Variants in TNFRSF21 observed in about 807,000 individuals in gnomAD.
The protein encoded by TNFRSF21 is tumor necrosis factor receptor superfamily member 21.
Under a neutral mutation model 45.6 loss-of-function variants are expected in TNFRSF21, and 19 were observed. The observed-to-expected ratio is 0.42, with a 90% CI of 0.29 to 0.61. The LOEUF is 0.61. Among genes scored for constraint, TNFRSF21 ranks in the 20% least tolerant of loss-of-function variants. The pLI is 0.23. For missense variants in TNFRSF21, 737 were observed against 851.5 expected (o/e 0.87, Z 1.67); for synonymous variants, 314 against 335.5 (o/e 0.94, Z 0.70).
intron 3 of TNFRSF21, among the ~76,000 whole-genome samples, chr6:47,259,966 T>C (rs1473261983): frequency 1.3e-5 from 2 of 152,102 alleles, no homozygotes; most frequent in Non-Finnish European, 2.9e-5. Context: ...TTCACTTAAG[T>C]AAAATAGAAA....
chr6:47,273,903 A>AT (rs1423654225), intron 3 of TNFRSF21, among the ~76,000 whole-genome samples: 1 of 152,216 alleles, frequency 6.6e-6, no homozygotes, highest in Non-Finnish European at 1.5e-5. Flanking sequence ...TATAAAGAAA[A>AT]TAAAATACCT....
chr6:47,261,500 C>T (rs966875047), intron 3 of TNFRSF21, among the ~76,000 whole-genome samples: 13 of 152,220 alleles, frequency 8.5e-5, no homozygotes, highest in Non-Finnish European at 1.6e-4. Context: ...CTGAGTGGCC[C>T]CAGGCCCACA....
At chr6:47,282,714 T>A (rs1762587726) in intron 3 of TNFRSF21, among the ~76,000 whole-genome samples, 1 of 152,232 alleles carries the variant, frequency 6.6e-6, no homozygotes, top group Non-Finnish European at 1.5e-5. Flanking sequence ...TAATGAGAGT[T>A]GGGATTATAT....
At chr6:47,285,832 G>A in intron 2 of TNFRSF21, 112 bp downstream of exon 2, 2 of 1,227,456 alleles carry the variant, frequency 1.6e-6, no homozygotes, top group Non-Finnish European at 2.2e-6. Flanking sequence ...TCTCCAAGGG[G>A]TGACTTTGGA....
intron 1 of TNFRSF21, among the ~76,000 whole-genome samples, chr6:47,303,377 C>A (rs763189596): frequency 6.6e-6 from 1 of 152,056 alleles, no homozygotes; most frequent in Non-Finnish European, 1.5e-5. Context: ...AATATGAAGC[C>A]ACAGGGCAAT....
chr6:47,281,886 T>G (rs1582346987), intron 3 of TNFRSF21, among the ~76,000 whole-genome samples: 1 of 152,026 alleles, frequency 6.6e-6, no homozygotes, highest in South Asian at 2.1e-4. Flanking sequence ...CCAGACAGGC[T>G]TCCAGTAAAT....
At chr6:47,289,020 C>T (rs1390019484) in intron 1 of TNFRSF21, among the ~76,000 whole-genome samples, 1 of 152,158 alleles carries the variant, frequency 6.6e-6, no homozygotes, top group Non-Finnish European at 1.5e-5. Context: ...GGGACTAAAT[C>T]CTGAGGTCCT....
chr6:47,277,291 C>T (rs780591876), intron 3 of TNFRSF21, among the ~76,000 whole-genome samples: 33 of 152,234 alleles, frequency 2.2e-4, no homozygotes, highest in Non-Finnish European at 3.7e-4. Context: ...TGCGCCCAAC[C>T]CCTAAGTATA....
chr6:47,309,090 C>G (rs1054532644), intron 1 of TNFRSF21, among the ~76,000 whole-genome samples: 2 of 151,960 alleles, frequency 1.3e-5, no homozygotes, highest in Non-Finnish European at 2.9e-5. Flanking sequence ...GCGTGGGGAG[C>G]GCGAGGTAGG....
chr6:47,243,284 C>T (rs1582316719), intron 4 of TNFRSF21, among the ~76,000 whole-genome samples: 2 of 152,230 alleles, frequency 1.3e-5, no homozygotes, highest in East Asian at 3.9e-4. Flanking sequence ...TAGAGACAGT[C>T]TATACTTATA....
intron 3 of TNFRSF21, among the ~76,000 whole-genome samples, chr6:47,261,859 G>A (rs1388874177): frequency 6.6e-6 from 1 of 152,216 alleles, no homozygotes; most frequent in Non-Finnish European, 1.5e-5. Context: ...GTGTTTCATA[G>A]TAACCAGTAT....
intron 3 of TNFRSF21, among the ~76,000 whole-genome samples, chr6:47,276,433 G>C (rs892522441): frequency 1.3e-5 from 2 of 152,188 alleles, no homozygotes; most frequent in African/African-American, 4.8e-5. Flanking sequence ...TCGAACTGTT[G>C]AAATTCGAGA....
chr6:47,247,600 C>G (rs1240418030), intron 4 of TNFRSF21, among the ~76,000 whole-genome samples: 1 of 152,198 alleles, frequency 6.6e-6, no homozygotes, highest in Non-Finnish European at 1.5e-5. Flanking sequence ...CATCCTGCAG[C>G]TGGTAAGCAA....
chr6:47,269,907 A>G (rs1403087942), intron 3 of TNFRSF21, among the ~76,000 whole-genome samples: 2 of 152,204 alleles, frequency 1.3e-5, no homozygotes, highest in South Asian at 2.1e-4. Flanking sequence ...AGACTTGGAC[A>G]TTGCCTTTCT....
intron 1 of TNFRSF21, among the ~76,000 whole-genome samples, chr6:47,298,890 G>A (rs776342849): frequency 6.6e-6 from 1 of 152,174 alleles, no homozygotes; most frequent in Non-Finnish European, 1.5e-5. Context: ...GGCCCTGCAG[G>A]ACAGCTGCCA....
chr6:47,304,556 C>T (rs1299240242), intron 1 of TNFRSF21, among the ~76,000 whole-genome samples: 2 of 152,226 alleles, frequency 1.3e-5, no homozygotes, highest in African/African-American at 4.8e-5. Context: ...AATAGCATAC[C>T]TGGAGAAAAG....
At chr6:47,283,804 A>G in intron 3 of TNFRSF21, 134 bp downstream of exon 3, 2 of 1,122,700 alleles carry the variant, frequency 1.8e-6, no homozygotes, top group Non-Finnish European at 1.3e-6. Context: ...TTTCTATAAC[A>G]CGACTAGATC....
In TNFRSF21 at chr6:47,233,589, G is replaced by C. The variant is rs116666585; in HGVS notation, c.1739-595C>G. Among the ~76,000 whole-genome samples the C allele has an allele frequency of 6.3e-3, 949 of 151,560 alleles. 13 individuals carry two copies. Among genetic ancestry groups the C allele is most frequent in the African/African-American group, 0.022 (902 of 41,390 alleles). ...CTTCTCAGGTCATACCTTACATTGG[G>C]ATGAGGAACTATAACTTTTATTACT... On this transcript the variant is annotated intron_variant, in intron 5 of 5. Transcript: ENST00000296861.
At chr6:47,290,421 A>G (rs1671606558) in intron 1 of TNFRSF21, among the ~76,000 whole-genome samples, 1 of 152,136 alleles carries the variant, frequency 6.6e-6, no homozygotes, top group Admixed American at 6.5e-5. Context: ...GAGTTGGGGT[A>G]GGCTTCCTAC....
Sources: allele counts gnomAD v4.1 joint callset (sites outside exome capture counted in the v4.1 genomes callset), GRCh38; gene constraint gnomAD v4.1.1; transcripts MANE v1.5; gene names NCBI Gene and HGNC (gene_info 2026-07-23, HGNC 2026-07-21).